DENND5B: variants seen among roughly 807,000 people sequenced by gnomAD.
DENND5B encodes the protein DENN domain containing 5B, also known as DENN domain-containing protein 5B.
In DENND5B, 34 loss-of-function variants were observed where a neutral mutation model predicts 140.6. The ratio of observed to expected loss-of-function variants is 0.24; its 90% CI spans 0.18 to 0.32. The LOEUF (loss-of-function observed/expected upper bound fraction) is 0.32. Ranked by LOEUF, DENND5B falls within the 10% of genes least tolerant of loss-of-function variation. The pLI is 1.00. For missense variants in DENND5B, 1,142 were observed against 1,560.2 expected, an observed-to-expected ratio of 0.73 and a Z score of 4.52; for synonymous variants, 551 against 562.1, an observed-to-expected ratio of 0.98 and a Z score of 0.28.
In DENND5B at chr12:31,495,753, A is replaced by G. The variant is rs1035214374; in HGVS notation, c.237+57T>C. 197 of 1,258,034 alleles carry G rather than the reference A, an allele frequency of 1.6e-4. No homozygotes were observed. In the South Asian group the frequency reaches 2.0e-3, roughly 13 times the overall value. The allele number at this position is 1,258,034 out of a possible 1,614,324, so 77.9% of individuals were successfully genotyped here. A position where few individuals can be genotyped will look rare whatever the true frequency, so the allele number is the denominator to read the frequency against. On this transcript the variant is annotated intron_variant, in intron 2 of 20. Coordinates refer to ENST00000389082, the MANE Select transcript of DENND5B (RefSeq NM_144973.4). ...CATTCAAAATACAGTCACTACCTTC[A>G]TATTAATAAAGTGAAAACAAGGCTA...
At chr12:31,519,284 T>A (rs1947792484) in intron 1 of DENND5B, among the ~76,000 whole-genome samples, 1 of 152,140 alleles carries the variant, frequency 6.6e-6, no homozygotes, top group African/African-American at 2.4e-5. Flanking sequence ...CTGCATGACT[T>A]GTCTTTTTGA....
chr12:31,511,230 C>A (rs1312589928), intron 1 of DENND5B, among the ~76,000 whole-genome samples: 2 of 151,928 alleles, frequency 1.3e-5, no homozygotes, highest in Non-Finnish European at 2.9e-5. Context: ...CAGAGGGAGA[C>A]CCTGTCTCAA....
intron 1 of DENND5B, among the ~76,000 whole-genome samples, chr12:31,551,448 C>T (rs1565687384): frequency 1.3e-5 from 2 of 152,212 alleles, no homozygotes; most frequent in Non-Finnish European, 2.9e-5. Context: ...CCGTACCATG[C>T]TGCTTTGGTT....
intron 1 of DENND5B, among the ~76,000 whole-genome samples, chr12:31,574,778 T>C (rs1949955351): frequency 6.6e-6 from 1 of 152,230 alleles, no homozygotes; most frequent in Non-Finnish European, 1.5e-5. Flanking sequence ...ACGGGTCCTG[T>C]CAGTCCTTCA....
At chr12:31,477,194 C>T (rs1203455506) in intron 3 of DENND5B, among the ~76,000 whole-genome samples, 1 of 151,166 alleles carries the variant, frequency 6.6e-6, no homozygotes, top group African/African-American at 2.4e-5. Context: ...TGCCACTGCA[C>T]TCCAGCCTGG....
At chr12:31,491,280 C>T (rs147384595) in intron 2 of DENND5B, among the ~76,000 whole-genome samples, 575 of 152,194 alleles carry the variant, frequency 3.8e-3, no homozygotes, top group South Asian at 8.3e-3. Context: ...TAGGGAGACC[C>T]CGTCTCTACC....
At chr12:31,577,843 G>A (rs1242566203) in intron 1 of DENND5B, among the ~76,000 whole-genome samples, 1 of 151,816 alleles carries the variant, frequency 6.6e-6, no homozygotes, top group East Asian at 1.9e-4. Flanking sequence ...ATTCTACAGG[G>A]TCCAGTGCAG....
chr12:31,590,634 G>A (rs939388308), intron 1 of DENND5B, 72 bp downstream of exon 1: 4 of 1,372,290 alleles, frequency 2.9e-6, no homozygotes, highest in African/African-American at 3.1e-5. Context: ...CCTGCACCCC[G>A]CCTCCCGCGC....
chr12:31,578,419 TA>T (rs1486306439), intron 1 of DENND5B, among the ~76,000 whole-genome samples: 2 of 152,218 alleles, frequency 1.3e-5, no homozygotes, highest in African/African-American at 4.8e-5. Flanking sequence ...GTGATATTCC[TA>T]AAAGGCTTTA....
rs573895388 is a variant in DENND5B, at chr12:31,393,181, C to CT, written c.3257-486dup. 1.1e-4 allele frequency among the ~76,000 whole-genome samples: 16 copies of CT among 152,220 alleles called. No homozygotes were observed. The East Asian group carries it at 3.1e-3, about 29-fold the overall frequency. ...TTAGTGAAATGTTCCCTTATGCTAT[C>CT]TACCTACGAGCCTGTTAGTGGAATG... is the stretch of plus-strand genomic sequence containing the variant. On this transcript the variant is annotated intron_variant, in intron 17 of 20. Coordinates refer to ENST00000389082, the MANE Select transcript of DENND5B (RefSeq NM_144973.4).
intron 1 of DENND5B, among the ~76,000 whole-genome samples, chr12:31,585,297 G>A (rs867217587): frequency 3.3e-5 from 5 of 152,134 alleles, no homozygotes; most frequent in Middle Eastern, 3.2e-3. Context: ...TGAGCTACCC[G>A]GGGCAGACCT....
intron 1 of DENND5B, among the ~76,000 whole-genome samples, chr12:31,498,972 CAAAAA>C (rs369875785): frequency 1.0e-5 from 1 of 100,486 alleles, no homozygotes; most frequent in Non-Finnish European, 2.0e-5. Flanking sequence ...GGCTCCGTCT[CAAAAA>C]AAAAAAAAAA....
intron 1 of DENND5B, among the ~76,000 whole-genome samples, chr12:31,502,397 C>T (rs1352437353): frequency 6.6e-6 from 1 of 152,162 alleles, no homozygotes; most frequent in African/African-American, 2.4e-5. Context: ...TCAATGCAAA[C>T]ATAAGCTGAA....
intron 2 of DENND5B, among the ~76,000 whole-genome samples, chr12:31,488,492 G>C (rs1014052478): frequency 5.3e-5 from 8 of 152,158 alleles, no homozygotes; most frequent in African/African-American, 1.9e-4. Context: ...CTTGCCAAAA[G>C]TTGTACTCAA....
At chr12:31,403,713 C>T (rs11608397) in intron 14 of DENND5B, among the ~76,000 whole-genome samples, 16,741 of 149,616 alleles carry the variant, frequency 0.11, 1,100 homozygotes, top group East Asian at 0.25. Flanking sequence ...CTGACCAACA[C>T]GGTGAAACCC....
At chr12:31,502,101 G>A (rs1947029763) in intron 1 of DENND5B, among the ~76,000 whole-genome samples, 1 of 152,124 alleles carries the variant, frequency 6.6e-6, no homozygotes, top group Non-Finnish European at 1.5e-5. Context: ...CGGATCACGA[G>A]GTCAGGAGTT....
intron 7 of DENND5B, among the ~76,000 whole-genome samples, chr12:31,441,428 C>T (rs1218563470): frequency 6.6e-6 from 1 of 151,568 alleles, no homozygotes; most frequent in African/African-American, 2.4e-5. Context: ...CTCAAGTGAT[C>T]CTTCCTGCCT....
intron 1 of DENND5B, among the ~76,000 whole-genome samples, chr12:31,551,185 T>A (rs2139244551): frequency 6.6e-6 from 1 of 152,332 alleles, no homozygotes; most frequent in Admixed American, 6.5e-5. Context: ...CTAGGGTTTT[T>A]ATGGTTTTAG....
intron 1 of DENND5B, among the ~76,000 whole-genome samples, chr12:31,561,436 C>A (rs992672004): frequency 5.3e-5 from 8 of 152,142 alleles, no homozygotes; most frequent in African/African-American, 1.9e-4. Flanking sequence ...ACAGTCTGGG[C>A]AACATAGTGA....
Sources: allele counts gnomAD v4.1 joint callset (sites outside exome capture counted in the v4.1 genomes callset), GRCh38; gene constraint gnomAD v4.1.1; transcripts MANE v1.5; gene names NCBI Gene and HGNC (gene_info 2026-07-23, HGNC 2026-07-21).